The following ZFHX3 variants were observed in gnomAD, a reference collection of about 807,000 sequenced individuals.
ZFHX3 encodes zinc finger homeobox 3, also known as zinc finger homeobox protein 3.
Under a neutral mutation model 279.1 loss-of-function variants are expected in ZFHX3, and 42 were observed. That is an observed-to-expected ratio of 0.15 (90% CI 0.12 to 0.19). ZFHX3 has a LOEUF of 0.19. Among genes scored for constraint, ZFHX3 ranks in the 10% least tolerant of loss-of-function variants. The pLI is 1.00. For missense variants in ZFHX3, 4,981 were observed against 4,754.0 expected, an observed-to-expected ratio of 1.05 and a Z score of -1.40; for synonymous variants, 2,293 against 1,957.8, an observed-to-expected ratio of 1.17 and a Z score of -4.52.
intron 4 of ZFHX3, among the ~76,000 whole-genome samples, chr16:72,848,437 C>T (rs972151750): frequency 1.3e-5 from 2 of 152,108 alleles, no homozygotes; most frequent in African/African-American, 4.8e-5. Context: ...CAAGGGGTCT[C>T]TGAGGGTCAA....
At chr16:73,205,025 G>A (rs1301054155) in intron 5 of ZFHX3, among the ~76,000 whole-genome samples, 1 of 152,090 alleles carries the variant, frequency 6.6e-6, no homozygotes, top group Non-Finnish European at 1.5e-5. Context: ...TCCTCTCTGG[G>A]CTGCAGTGTT....
chr16:73,599,334 T>C (rs1268642856), intron 2 of ZFHX3, among the ~76,000 whole-genome samples: 3 of 152,362 alleles, frequency 2.0e-5, no homozygotes, highest in Non-Finnish European at 4.4e-5. Context: ...AAAGTCTTAT[T>C]ACAATCTATC....
At chr16:72,826,296 CA>C (rs949189635) in intron 5 of ZFHX3, among the ~76,000 whole-genome samples, 7 of 152,120 alleles carry the variant, frequency 4.6e-5, no homozygotes, top group Non-Finnish European at 7.4e-5. Flanking sequence ...GCACAAACCC[CA>C]AAACTACAAA....
chr16:73,261,745 G>A (rs1040381602), intron 4 of ZFHX3, among the ~76,000 whole-genome samples: 11 of 136,826 alleles, frequency 8.0e-5, no homozygotes, highest in African/African-American at 1.1e-4. Context: ...GCACAATCTC[G>A]GCTCACCGCA....
At chr16:73,187,021 TC>T (rs780658202) in intron 5 of ZFHX3, among the ~76,000 whole-genome samples, 4 of 152,194 alleles carry the variant, frequency 2.6e-5, no homozygotes, top group Non-Finnish European at 5.9e-5. Flanking sequence ...GGTTGACCCT[TC>T]CAGATCTTTC....
chr16:73,772,135 C>A (rs570443915), intron 1 of ZFHX3, among the ~76,000 whole-genome samples: 2 of 152,160 alleles, frequency 1.3e-5, no homozygotes. Context: ...ACCTCCACCC[C>A]CTCGCCACAG....
intron 1 of ZFHX3, among the ~76,000 whole-genome samples, chr16:73,013,131 A>C (rs1204910333): frequency 6.6e-6 from 1 of 152,176 alleles, no homozygotes; most frequent in Non-Finnish European, 1.5e-5. Context: ...AGAAGGGCAG[A>C]GAGGAGGCCA....
chr16:72,803,245 T>C (rs1413588628), intron 7 of ZFHX3, among the ~76,000 whole-genome samples: 1 of 152,002 alleles, frequency 6.6e-6, no homozygotes, highest in Non-Finnish European at 1.5e-5. Context: ...GACAGGAGAA[T>C]TGCTTGAACC....
chr16:73,286,488 A>G (rs1214315929), intron 4 of ZFHX3, among the ~76,000 whole-genome samples: 1 of 152,158 alleles, frequency 6.6e-6, no homozygotes. Flanking sequence ...GTGTACGGGA[A>G]GAGTGTTCCA....
chr16:73,588,952 A>C (rs2051958652), intron 2 of ZFHX3, among the ~76,000 whole-genome samples: 1 of 151,800 alleles, frequency 6.6e-6, no homozygotes, highest in African/African-American at 2.4e-5. Flanking sequence ...TCTGGTTCAA[A>C]TAAAATTGAT....
At chr16:73,004,159 CT>C (rs3081625) in intron 1 of ZFHX3, among the ~76,000 whole-genome samples, 2,531 of 49,142 alleles carry the variant, frequency 0.052, 46 homozygotes, top group African/African-American at 0.093. Context: ...AAAAACACGA[CT>C]TTTTTTTTTT....
intron 1 of ZFHX3, among the ~76,000 whole-genome samples, chr16:73,861,959 T>A (rs1353840370): frequency 6.6e-6 from 1 of 152,212 alleles, no homozygotes; most frequent in Non-Finnish European, 1.5e-5. Context: ...CATCTCAAAA[T>A]CTCTGGAAGC....
chr16:73,813,134 G>A (rs1204348855), intron 1 of ZFHX3, among the ~76,000 whole-genome samples: 1 of 152,104 alleles, frequency 6.6e-6, no homozygotes, highest in Non-Finnish European at 1.5e-5. Flanking sequence ...CTAGGAATAA[G>A]TAACACCTTT....
intron 8 of ZFHX3, among the ~76,000 whole-genome samples, chr16:73,067,101 G>A (rs1269993505): frequency 6.6e-6 from 1 of 152,170 alleles, no homozygotes; most frequent in Admixed American, 6.5e-5. Context: ...CAAGGAGGCG[G>A]GAGTGGGTGT....
chr16:72,854,780 T>C (rs2037709051), intron 4 of ZFHX3, among the ~76,000 whole-genome samples: 1 of 151,790 alleles, frequency 6.6e-6, no homozygotes, highest in African/African-American at 2.4e-5. Context: ...TGAGCCTCAT[T>C]AAGAGGGAGT....
At chr16:73,173,008 G>GTTTTTTTTTTTTT (rs869289153) in intron 5 of ZFHX3, among the ~76,000 whole-genome samples, 29 of 49,938 alleles carry the variant, frequency 5.8e-4, no homozygotes, top group East Asian at 7.2e-4. Context: ...TTTTTTTTTT[G>GTTTTTTTTTTTTT]TTTTTTTTTT....
intron 2 of ZFHX3, among the ~76,000 whole-genome samples, chr16:73,580,792 C>T (rs2380340): frequency 0.86 from 130,670 of 151,706 alleles, 56,488 homozygotes; most frequent in East Asian, 0.98. Context: ...CTTATTCTTT[C>T]TGATGCTCAC....
At chr16:73,840,035 T>C (rs1157358632) in intron 1 of ZFHX3, among the ~76,000 whole-genome samples, 1 of 152,168 alleles carries the variant, frequency 6.6e-6, no homozygotes, top group East Asian at 1.9e-4. Flanking sequence ...GTTTCTCTTG[T>C]CCAGGCATCT....
chr16:73,721,648 G>A (rs1056821184), intron 1 of ZFHX3, among the ~76,000 whole-genome samples: 1 of 152,180 alleles, frequency 6.6e-6, no homozygotes, highest in East Asian at 1.9e-4. Context: ...GCAAGGAAGC[G>A]ATGTTTGGTT....
Sources: allele counts gnomAD v4.1 joint callset (sites outside exome capture counted in the v4.1 genomes callset), GRCh38; gene constraint gnomAD v4.1.1; transcripts MANE v1.5; gene names NCBI Gene and HGNC (gene_info 2026-07-23, HGNC 2026-07-21).